The following EXOC4 variants were observed in gnomAD, a reference collection of about 807,000 sequenced individuals.
EXOC4 encodes the protein SEC8-like 1.
A neutral mutation model predicts 107.2 loss-of-function variants in EXOC4; 71 were observed. The ratio of observed to expected loss-of-function variants is 0.66; its 90% CI spans 0.55 to 0.81. EXOC4 has a LOEUF of 0.81. Ranked by LOEUF, EXOC4 falls within the 30% of genes least tolerant of loss-of-function variation. The probability of loss-of-function intolerance (pLI) is 0.00; values close to 1 mark genes in which losing one functional copy is unlikely to be tolerated. For missense variants in EXOC4, 1,108 were observed against 1,189.6 expected, an observed-to-expected ratio of 0.93 and a Z score of 1.01; for synonymous variants, 456 against 441.2, an observed-to-expected ratio of 1.03 and a Z score of -0.42.
chr7:133,718,819 T>A (rs748498767), intron 10 of EXOC4, among the ~76,000 whole-genome samples: 22 of 152,196 alleles, frequency 1.4e-4, no homozygotes, highest in Non-Finnish European at 1.6e-4. Context: ...AGAACATTTT[T>A]ATGGGCATAG....
chr7:133,928,351 A>G (rs1193500193), intron 13 of EXOC4, among the ~76,000 whole-genome samples: 2 of 152,134 alleles, frequency 1.3e-5, no homozygotes, highest in Non-Finnish European at 2.9e-5. Flanking sequence ...GAGACGCTCT[A>G]GTAGCACTGC....
At position 133,534,512 on chromosome 7, in the gene EXOC4, C is replaced by CTAT. The variant is rs1472431382; in HGVS notation, c.1417+54374_1417+54375insTAT. On this transcript the variant is annotated intron_variant, in intron 9 of 17. Coordinates refer to ENST00000253861, the MANE Select transcript of EXOC4 (RefSeq NM_021807.4). The stretch of plus-strand genomic sequence containing the variant: ...TGGAAATCACAGCTCTGTGTGTGTC[C>CTAT]AAATAGCTACTCATCAGCAAAGCTT... 2.0e-5 allele frequency among the ~76,000 whole-genome samples: 3 copies of CTAT among 152,250 alleles called. No individual in the cohort carries two copies. In the East Asian group the frequency reaches 5.8e-4, roughly 29 times the overall value.
chr7:133,828,278 G>T (rs1363416715), intron 11 of EXOC4, among the ~76,000 whole-genome samples: 2 of 152,190 alleles, frequency 1.3e-5, no homozygotes, highest in African/African-American at 2.4e-5. Context: ...TTAAATGTTA[G>T]AGAAGAGGAA....
chr7:133,543,710 C>A (rs568770318), intron 9 of EXOC4, among the ~76,000 whole-genome samples: 1 of 121,292 alleles, frequency 8.2e-6, no homozygotes, highest in East Asian at 2.6e-4. Context: ...GAACCTGCTG[C>A]TAGAAGTGTG....
intron 10 of EXOC4, among the ~76,000 whole-genome samples, chr7:133,779,990 G>A (rs1318466910): frequency 6.6e-6 from 1 of 152,124 alleles, no homozygotes; most frequent in African/African-American, 2.4e-5. Context: ...CTTTAAGTCA[G>A]CGAGACTGTG....
chr7:133,972,914 A>G (rs996094211), intron 14 of EXOC4, among the ~76,000 whole-genome samples: 3 of 152,202 alleles, frequency 2.0e-5, no homozygotes, highest in African/African-American at 7.2e-5. Flanking sequence ...GAGGGAACAG[A>G]CAGATACATA....
chr7:133,970,043 C>T (rs1489157909), intron 14 of EXOC4, among the ~76,000 whole-genome samples: 1 of 152,184 alleles, frequency 6.6e-6, no homozygotes, highest in Admixed American at 6.5e-5. Context: ...ATGCCCTGCC[C>T]AGGGAGGAGG....
intron 10 of EXOC4, among the ~76,000 whole-genome samples, chr7:133,672,760 G>A (rs1312812589): frequency 6.6e-6 from 1 of 152,144 alleles, no homozygotes; most frequent in Non-Finnish European, 1.5e-5. Flanking sequence ...GTTTTAATGA[G>A]AATGATGAAA....
At chr7:133,734,098 A>G (rs1465646419) in intron 10 of EXOC4, among the ~76,000 whole-genome samples, 1 of 152,198 alleles carries the variant, frequency 6.6e-6, no homozygotes, top group East Asian at 1.9e-4. Flanking sequence ...TATACAAACC[A>G]TTTACCAACC....
intron 7 of EXOC4, among the ~76,000 whole-genome samples, chr7:133,460,205 G>T (rs983239531): frequency 3.3e-5 from 5 of 152,086 alleles, no homozygotes; most frequent in African/African-American, 9.7e-5. Flanking sequence ...TAGATCCCTC[G>T]CATGTGCAGT....
intron 10 of EXOC4, among the ~76,000 whole-genome samples, chr7:133,768,965 T>C (rs964129581): frequency 3.3e-5 from 5 of 151,920 alleles, no homozygotes; most frequent in Admixed American, 3.3e-4. Flanking sequence ...AATGAGAAAT[T>C]AGGCAGATGA....
At chr7:134,037,927 G>A (rs1333719819) in intron 17 of EXOC4, among the ~76,000 whole-genome samples, 2 of 152,128 alleles carry the variant, frequency 1.3e-5, no homozygotes, top group African/African-American at 4.8e-5. Context: ...ACCAACTCAG[G>A]TGTTCTCTGA....
chr7:133,812,899 C>T (rs1429685359), intron 10 of EXOC4, among the ~76,000 whole-genome samples: 1 of 152,102 alleles, frequency 6.6e-6, no homozygotes, highest in Admixed American at 6.6e-5. Context: ...TCCCCTCCCC[C>T]ATCCCTTAGC....
intron 11 of EXOC4, among the ~76,000 whole-genome samples, chr7:133,856,574 A>AC (rs1188298456): frequency 5.3e-5 from 8 of 152,212 alleles, no homozygotes; most frequent in Non-Finnish European, 7.4e-5. Context: ...TGTTGAATGA[A>AC]TAAATGTGTG....
intron 14 of EXOC4, among the ~76,000 whole-genome samples, chr7:133,977,783 G>T (rs1205362435): frequency 6.6e-6 from 1 of 151,570 alleles, no homozygotes; most frequent in African/African-American, 2.4e-5. Flanking sequence ...TGTTTTAGCA[G>T]CAGAACCCTT....
chr7:133,864,783 T>TG (rs1189497241), intron 11 of EXOC4, among the ~76,000 whole-genome samples: 2 of 152,060 alleles, frequency 1.3e-5, no homozygotes, highest in African/African-American at 4.8e-5. Context: ...TGGTAAGAAG[T>TG]GAAAAAATGC....
chr7:133,680,471 C>G (rs1351274236), intron 10 of EXOC4, among the ~76,000 whole-genome samples: 3 of 152,180 alleles, frequency 2.0e-5, no homozygotes, highest in Non-Finnish European at 4.4e-5. Flanking sequence ...AGGAAGGAAA[C>G]ACATTCCCCT....
intron 7 of EXOC4, among the ~76,000 whole-genome samples, chr7:133,389,570 CAAA>C (rs1202921998): frequency 1.8e-4 from 3 of 16,386 alleles, no homozygotes; most frequent in African/African-American, 2.8e-4. Context: ...TGAAACTCCT[CAAA>C]AAAAAAAAAA....
At chr7:133,444,553 G>A (rs1798176048) in intron 7 of EXOC4, among the ~76,000 whole-genome samples, 1 of 152,146 alleles carries the variant, frequency 6.6e-6, no homozygotes, top group Non-Finnish European at 1.5e-5. Context: ...ATTCCTTACT[G>A]ATGACTTCCT....
Sources: gnomAD v4.1 joint callset for allele counts (sites outside exome capture counted in the v4.1 genomes callset) on GRCh38, gnomAD v4.1.1 for gene constraint, MANE v1.5 for transcripts, NCBI Gene and HGNC (gene_info 2026-07-23, HGNC 2026-07-21) for gene names.